AMBRA1: variants seen among roughly 807,000 people sequenced by gnomAD.
The protein encoded by AMBRA1 is autophagy and beclin 1 regulator 1.
A neutral mutation model predicts 125.4 loss-of-function variants in AMBRA1; 47 were observed. The observed-to-expected ratio is 0.37, with a 90% confidence interval of 0.30 to 0.48. The LOEUF is 0.48. AMBRA1 is among the 20% of genes least tolerant of loss of function. The probability of loss-of-function intolerance (pLI) is 0.99; values close to 1 mark genes in which losing one functional copy is unlikely to be tolerated. For missense variants in AMBRA1, 1,331 were observed against 1,693.4 expected, an observed-to-expected ratio of 0.79 and a Z score of 3.76; for synonymous variants, 626 against 655.5, an observed-to-expected ratio of 0.95 and a Z score of 0.69.
intron 1 of AMBRA1, among the ~76,000 whole-genome samples, chr11:46,570,980 A>G (rs2043737289): frequency 6.6e-6 from 1 of 152,222 alleles, no homozygotes; most frequent in African/African-American, 2.4e-5. Flanking sequence ...CAACTGCAAT[A>G]TACTGTAACC....
chr11:46,589,661 CCAGGCTGGAGTG>C (rs2044521730), intron 1 of AMBRA1, among the ~76,000 whole-genome samples: 1 of 152,004 alleles, frequency 6.6e-6, no homozygotes, highest in Non-Finnish European at 1.5e-5. Context: ...CCTCTGTCGC[CCAGGCTGGAGTG>C]CAGTGGTGCT....
intron 11 of AMBRA1, among the ~76,000 whole-genome samples, chr11:46,470,365 G>A (rs925147861): frequency 1.3e-5 from 2 of 152,214 alleles, no homozygotes; most frequent in East Asian, 3.9e-4. Flanking sequence ...GAGACGGGCG[G>A]ATCACGAGGT....
chr11:46,498,944 C>G (rs1028781445), intron 9 of AMBRA1, among the ~76,000 whole-genome samples: 5 of 152,224 alleles, frequency 3.3e-5, no homozygotes, highest in Non-Finnish European at 7.3e-5. Flanking sequence ...TTGGTCAACT[C>G]ATTTCCTTAC....
At chr11:46,507,009 CA>C (rs1195308304) in intron 9 of AMBRA1, among the ~76,000 whole-genome samples, 3,404 of 79,860 alleles carry the variant, frequency 0.043, 119 homozygotes, top group African/African-American at 0.13. Flanking sequence ...ACTAAAAATA[CA>C]AAAAAAAAAA....
chr11:46,574,236 G>A (rs1202191105), intron 1 of AMBRA1, among the ~76,000 whole-genome samples: 28 of 139,238 alleles, frequency 2.0e-4, no homozygotes, highest in African/African-American at 7.5e-4. Context: ...CTGAGGAATC[G>A]CCACACTGAC....
chr11:46,576,964 C>T (rs766009588), intron 1 of AMBRA1, among the ~76,000 whole-genome samples: 11 of 152,132 alleles, frequency 7.2e-5, no homozygotes, highest in Non-Finnish European at 1.5e-4. Context: ...CTCAGTTCTT[C>T]ATACAGGAAA....
chr11:46,559,862 T>C (rs1051983480), intron 1 of AMBRA1, among the ~76,000 whole-genome samples: 1 of 152,228 alleles, frequency 6.6e-6, no homozygotes, highest in African/African-American at 2.4e-5. Context: ...AATACCTTCC[T>C]TCTATCTTAA....
chr11:46,414,514 A>C (rs1014576681), intron 15 of AMBRA1, among the ~76,000 whole-genome samples: 5 of 151,952 alleles, frequency 3.3e-5, no homozygotes, highest in Non-Finnish European at 7.4e-5. Flanking sequence ...CTTTGAGCTG[A>C]CTCTGAGAGG....
At position 46,542,684 on chromosome 11, in the gene AMBRA1, C is replaced by A; in HGVS notation, c.1333G>T (p.Val445Leu). The A allele has an allele frequency of 6.2e-7, 1 of 1,614,198 alleles. No individual in the cohort carries two copies. Among genetic ancestry groups the A allele is most frequent in the Non-Finnish European group, 8.5e-7 (1 of 1,180,038 alleles). Residue 445 changes from valine (V) to leucine (L), a missense_variant, in exon 7 of 18, where the codon GTG becomes TTG. Coordinates refer to ENST00000683756, the MANE Select transcript of AMBRA1 (RefSeq NM_001387011.1). This position sits in a 1 kb window ranked among gnomAD's most constrained non-coding sequence, Gnocchi z 5.9. ...TGTCTCAGCACAGACAGCAAACTCA[C>A]CGAAGAGGCACTGGTTCTGGGCGGG... ...MPPPRTSASS[V>L]SLLSVLRQQE... is the part of the protein sequence containing the mutation.
chr11:46,470,888 C>T (rs887874739), intron 11 of AMBRA1, among the ~76,000 whole-genome samples: 1 of 152,156 alleles, frequency 6.6e-6, no homozygotes, highest in Non-Finnish European at 1.5e-5. Context: ...CAAAAATTCC[C>T]ACCTTCATGG....
rs577136518 is a variant in AMBRA1, at chr11:46,429,036, T to G, written c.2976+4438A>C. ...TTCATGACATGAAGGTTGGGCACAT[T>G]CTTGTCTGCCAGCTCCGGGTGCTTA... On this transcript the variant is annotated intron_variant, in intron 14 of 17. Coordinates refer to ENST00000683756, the MANE Select transcript of AMBRA1 (RefSeq NM_001387011.1). 2.2e-5 allele frequency: 35 copies of G among 1,611,518 alleles called. 1 individual carries two copies. The South Asian group carries it at 3.8e-4, about 18-fold the overall frequency.
chr11:46,542,452 C>T lies in AMBRA1; in HGVS notation c.1565G>A (p.Gly522Glu). ...RLQELDQSLS[G>E]EAPQTQQAQE... ...GGCCTGTTGGGTCTGGGGAGCTTCCCCACTCAGGCTCTGATCCAGCTCCTG... is the reference window on the plus strand; with the variant it reads ...GGCCTGTTGGGTCTGGGGAGCTTCCTCACTCAGGCTCTGATCCAGCTCCTG... The change falls in exon 7 of 18, where the codon GGG becomes GAG. Residue 522 changes from glycine (G) to glutamate (E), a missense_variant. By Grantham distance (98) the Gly-to-Glu change is moderately conservative. Around this residue, in one of 4 missense-constraint regions of AMBRA1, gnomAD observed 689 missense variants for 776.5 expected, o/e 0.89. Coordinates refer to ENST00000683756, the MANE Select transcript of AMBRA1 (RefSeq NM_001387011.1). The surrounding 1 kb of genome is among the most constrained non-coding windows in gnomAD (Gnocchi z 5.9). 1.2e-6 allele frequency: 2 copies of T among 1,613,976 alleles called. No homozygotes were observed. Among genetic ancestry groups the T allele is most frequent in the Non-Finnish European group, 1.7e-6 (2 of 1,180,012 alleles).
At chr11:46,444,409 C>T (rs1054167914) in intron 11 of AMBRA1, among the ~76,000 whole-genome samples, 1 of 152,154 alleles carries the variant, frequency 6.6e-6, no homozygotes, top group African/African-American at 2.4e-5. Context: ...AACAGGGTGA[C>T]ACTTTAATTT....
chr11:46,545,554 C>T, intron 5 of AMBRA1, 50 bp downstream of exon 5: 1 of 1,580,356 alleles, frequency 6.3e-7, no homozygotes, highest in Non-Finnish European at 8.6e-7. Flanking sequence ...AGAATGTTCT[C>T]TATCACGTCA....
intron 11 of AMBRA1, among the ~76,000 whole-genome samples, chr11:46,444,608 C>CT (rs1948186734): frequency 6.6e-6 from 1 of 152,146 alleles, no homozygotes. Flanking sequence ...AAAAACTGAA[C>CT]TTGTTAGAGT....
chr11:46,523,580 G>A (rs1178244468), intron 7 of AMBRA1, among the ~76,000 whole-genome samples: 1 of 152,176 alleles, frequency 6.6e-6, no homozygotes, highest in Non-Finnish European at 1.5e-5. Context: ...ACTATAATCA[G>A]AAGATGTAAA....
intron 11 of AMBRA1, among the ~76,000 whole-genome samples, chr11:46,454,871 A>T (rs1352898767): frequency 1.3e-5 from 2 of 148,564 alleles, no homozygotes; most frequent in African/African-American, 5.0e-5. Flanking sequence ...ATCTGGTATT[A>T]GCTTTTTTTT....
chr11:46,509,464 C>A (rs1451700572), intron 8 of AMBRA1, among the ~76,000 whole-genome samples: 1 of 152,146 alleles, frequency 6.6e-6, no homozygotes, highest in Non-Finnish European at 1.5e-5. Flanking sequence ...CTTTATCCTA[C>A]AGAAATACAT....
chr11:46,435,625 G>C (rs1043191331), intron 12 of AMBRA1, among the ~76,000 whole-genome samples: 1 of 152,224 alleles, frequency 6.6e-6, no homozygotes, highest in Non-Finnish European at 1.5e-5. Flanking sequence ...TACCAAGAGA[G>C]GAAACAGAAC....
Sources: gnomAD v4.1 joint callset for allele counts (sites outside exome capture counted in the v4.1 genomes callset) on GRCh38, gnomAD v4.1.1 for gene constraint, gnomAD v4.1.1 regional missense constraint, Gnocchi (gnomAD v3.1) non-coding constraint, MANE v1.5 for transcripts, NCBI Gene and HGNC (gene_info 2026-07-23, HGNC 2026-07-21) for gene names.